ZFPM2: variants seen among roughly 807,000 people sequenced by gnomAD.
ZFPM2 encodes the protein zinc finger protein ZFPM2.
A neutral mutation model predicts 98.6 loss-of-function variants in ZFPM2; 20 were observed. The observed-to-expected ratio is 0.20, with a 90% CI of 0.14 to 0.29. ZFPM2 has a LOEUF of 0.29. ZFPM2 is among the 10% of genes least tolerant of loss of function. The pLI is 1.00. For synonymous variants in ZFPM2, 518 were observed against 502.7 expected, an observed-to-expected ratio of 1.03 and a Z score of -0.41; for missense variants, 1,310 against 1,388.6, an observed-to-expected ratio of 0.94 and a Z score of 0.90.
chr8:105,576,647 G>A (rs1815474482), intron 4 of ZFPM2, among the ~76,000 whole-genome samples: 1 of 152,148 alleles, frequency 6.6e-6, no homozygotes, highest in South Asian at 2.1e-4. Flanking sequence ...AGCTTTGATA[G>A]GATAGATCTA....
intron 1 of ZFPM2, among the ~76,000 whole-genome samples, chr8:105,333,250 TAAC>T (rs1311927731): frequency 1.3e-5 from 2 of 151,802 alleles, no homozygotes; most frequent in South Asian, 2.1e-4. Flanking sequence ...ACGGATTTAA[TAAC>T]AACATCGTAG....
At chr8:105,556,970 C>T (rs1417524341) in intron 3 of ZFPM2, among the ~76,000 whole-genome samples, 1 of 152,122 alleles carries the variant, frequency 6.6e-6, no homozygotes, top group Non-Finnish European at 1.5e-5. Context: ...GTGATCCAAT[C>T]ACCTCGGCCT....
At chr8:105,629,123 A>G (rs990800538) in intron 4 of ZFPM2, among the ~76,000 whole-genome samples, 115 of 152,284 alleles carry the variant, frequency 7.6e-4, no homozygotes, top group African/African-American at 2.7e-3. Flanking sequence ...CAAGAGGTGG[A>G]AAACAGCAGG....
At chr8:105,685,203 C>A (rs1425844837) in intron 5 of ZFPM2, among the ~76,000 whole-genome samples, 1 of 152,038 alleles carries the variant, frequency 6.6e-6, no homozygotes, top group Non-Finnish European at 1.5e-5. Flanking sequence ...AGCTGTAGAG[C>A]ATTTGACATG....
At chr8:105,450,708 G>A (rs1812467607) in intron 3 of ZFPM2, among the ~76,000 whole-genome samples, 3 of 151,984 alleles carry the variant, frequency 2.0e-5, no homozygotes, top group Admixed American at 2.0e-4. Flanking sequence ...GTGTGTGTAT[G>A]TGTGTGTGTG....
intron 5 of ZFPM2, among the ~76,000 whole-genome samples, chr8:105,668,881 G>A (rs564684834): frequency 1.4e-3 from 208 of 152,220 alleles, no homozygotes; most frequent in Non-Finnish European, 2.2e-3. Context: ...CAAACACCTA[G>A]CAGAGTTTAG....
At chr8:105,516,153 T>C (rs956156842) in intron 3 of ZFPM2, among the ~76,000 whole-genome samples, 1 of 152,104 alleles carries the variant, frequency 6.6e-6, no homozygotes, top group Non-Finnish European at 1.5e-5. Context: ...CTTGAACTTC[T>C]GACCTCAGGT....
intron 4 of ZFPM2, among the ~76,000 whole-genome samples, chr8:105,562,754 G>T (rs1326506702): frequency 1.3e-5 from 2 of 152,100 alleles, no homozygotes; most frequent in African/African-American, 4.8e-5. Flanking sequence ...CACTGTGTCT[G>T]CCTGGGTCGT....
rs117784261 is a variant in ZFPM2 at position 105,728,325 on chromosome 8, G to A, written c.533-60393G>A. Among the ~76,000 whole-genome samples, 1,331 of 151,674 alleles carry A rather than the reference G, an allele frequency of 8.8e-3. 9 individuals are homozygous for A. The highest frequency in any genetic ancestry group is 0.018 in the Admixed American group (266 of 15,184). ...GAATAGGATGGCTGCAATAACAAGC[G>A]ACTCCGAAAATCTCAGTGGCTTAAA... On this transcript the variant is annotated intron_variant, in intron 5 of 7. Coordinates refer to ENST00000407775, the MANE Select transcript of ZFPM2 (RefSeq NM_012082.4).
At chr8:105,558,726 A>G (rs1209339137) in intron 3 of ZFPM2, among the ~76,000 whole-genome samples, 1 of 152,172 alleles carries the variant, frequency 6.6e-6, no homozygotes, top group East Asian at 1.9e-4. Flanking sequence ...GGGTTTTCAA[A>G]GATTCTCATG....
chr8:105,354,585 C>A (rs529683922), intron 1 of ZFPM2, among the ~76,000 whole-genome samples: 17 of 152,202 alleles, frequency 1.1e-4, no homozygotes, highest in African/African-American at 4.1e-4. Flanking sequence ...TCTGTATGTT[C>A]AAAGAGGATA....
At chr8:105,713,493 T>C (rs2130982197) in intron 5 of ZFPM2, among the ~76,000 whole-genome samples, 1 of 152,250 alleles carries the variant, frequency 6.6e-6, no homozygotes, top group Non-Finnish European at 1.5e-5. Context: ...TGATAGTTTC[T>C]TTTGTTGTGC....
intron 4 of ZFPM2, among the ~76,000 whole-genome samples, chr8:105,624,631 TATC>T (rs1007441820): frequency 3.3e-5 from 5 of 152,200 alleles, no homozygotes; most frequent in Admixed American, 3.3e-4. Flanking sequence ...TTTTTTAAAA[TATC>T]ATGAAATGAT....
At chr8:105,602,310 G>T (rs1291568425) in intron 4 of ZFPM2, among the ~76,000 whole-genome samples, 1 of 151,958 alleles carries the variant, frequency 6.6e-6, no homozygotes, top group African/African-American at 2.4e-5. Flanking sequence ...AAAAAGGATT[G>T]GTTTTTGTTC....
chr8:105,688,765 T>C (rs536645888), intron 5 of ZFPM2, among the ~76,000 whole-genome samples: 49 of 152,274 alleles, frequency 3.2e-4, no homozygotes, highest in South Asian at 1.5e-3. Context: ...GCTCAGACAA[T>C]AAGTCTAGAT....
At chr8:105,706,606 G>A (rs1314830229) in intron 5 of ZFPM2, among the ~76,000 whole-genome samples, 4 of 151,910 alleles carry the variant, frequency 2.6e-5, no homozygotes, top group African/African-American at 9.7e-5. Context: ...TTTGGAAATA[G>A]AGTCTCACTG....
In ZFPM2 at chr8:105,450,512, C is replaced by G. The variant is rs571597009; in HGVS notation, c.301+6131C>G. 2.0e-4 allele frequency among the ~76,000 whole-genome samples: 31 copies of G among 152,220 alleles called. 1 individual carries two copies. Among genetic ancestry groups the G allele is most frequent in the African/African-American group, 7.2e-4 (30 of 41,558 alleles). Reference sequence around the variant, plus strand: ...AATCCTAGAATGACTGTGTATTACTCTGACAGTGAATTGGTATTATCTCTG... The same window carrying G: ...AATCCTAGAATGACTGTGTATTACTGTGACAGTGAATTGGTATTATCTCTG... On this transcript the variant is annotated intron_variant, in intron 3 of 7. Coordinates refer to ENST00000407775, the MANE Select transcript of ZFPM2 (RefSeq NM_012082.4).
chr8:105,656,386 C>T (rs540055009), intron 5 of ZFPM2, among the ~76,000 whole-genome samples: 26 of 152,328 alleles, frequency 1.7e-4, no homozygotes, highest in Non-Finnish European at 3.4e-4. Context: ...AACACCAATA[C>T]ACTATCCATT....
chr8:105,570,979 G>C (rs775977576), intron 4 of ZFPM2, among the ~76,000 whole-genome samples: 3 of 152,172 alleles, frequency 2.0e-5, no homozygotes, highest in Non-Finnish European at 2.9e-5. Flanking sequence ...GATCTTTTCA[G>C]TTATTAGGAC....
Sources: gnomAD v4.1 joint callset for allele counts (sites outside exome capture counted in the v4.1 genomes callset) on GRCh38, gnomAD v4.1.1 for gene constraint, MANE v1.5 for transcripts, NCBI Gene and HGNC (gene_info 2026-07-23, HGNC 2026-07-21) for gene names.